PAM: variants seen among roughly 807,000 people sequenced by gnomAD.
PAM encodes the protein peptidyl-glycine alpha-amidating monooxygenase.
PAM carries 72 observed loss-of-function variants against 122.1 expected under a neutral mutation model. That is an observed-to-expected ratio of 0.59 (90% CI 0.49 to 0.72). PAM has a LOEUF of 0.72. PAM is among the 30% of genes least tolerant of loss of function. The pLI, the probability that PAM is intolerant of heterozygous loss-of-function variation, is 0.00. For synonymous variants in PAM, 389 were observed against 404.4 expected, an observed-to-expected ratio of 0.96 and a Z score of 0.46; for missense variants, 1,106 against 1,183.7, an observed-to-expected ratio of 0.93 and a Z score of 0.96.
intron 5 of PAM, among the ~76,000 whole-genome samples, chr5:102,922,875 G>A (rs1747937687): frequency 6.6e-6 from 1 of 152,144 alleles, no homozygotes; most frequent in African/African-American, 2.4e-5. Flanking sequence ...TTATAGCTGA[G>A]GCCAGGAAGG....
intron 1 of PAM, among the ~76,000 whole-genome samples, chr5:102,836,771 C>T (rs1407864841): frequency 6.6e-6 from 1 of 151,514 alleles, no homozygotes; most frequent in East Asian, 1.9e-4. Flanking sequence ...CTCTCTGCTC[C>T]CTTGAACTTG....
intron 1 of PAM, among the ~76,000 whole-genome samples, chr5:102,850,815 A>T (rs2150726703): frequency 6.6e-6 from 1 of 152,298 alleles, no homozygotes; most frequent in South Asian, 2.1e-4. Context: ...GCCCTGCAAA[A>T]AACCAGATAT....
At chr5:102,952,593 CAAGT>C (rs1163925705) in intron 12 of PAM, among the ~76,000 whole-genome samples, 9 of 151,954 alleles carry the variant, frequency 5.9e-5, no homozygotes, top group African/African-American at 9.7e-5. Flanking sequence ...GAATGACAAA[CAAGT>C]AAGACAAGTT....
In PAM at chr5:103,029,660, A is replaced by T. The variant is rs911407636; in HGVS notation, c.*595A>T. ...TATTTTTAGATGGTTACACTGTTAG[A>T]ACACTATTTTCAGAATCTGAATGTA... On this transcript the variant is annotated 3_prime_UTR_variant, in exon 26 of 26. Coordinates refer to ENST00000438793, the MANE Select transcript of PAM (RefSeq NM_001177306.2). 2 of 152,604 alleles carry T rather than the reference A, an allele frequency of 1.3e-5. No homozygotes were observed. Among genetic ancestry groups the T allele is most frequent in the Admixed American group, 6.5e-5 (1 of 15,272 alleles). 9.5% of individuals were successfully genotyped at this position (152,604 alleles called of 1,614,324 possible). A position where few individuals can be genotyped will look rare whatever the true frequency, so the allele number is the denominator to read the frequency against.
chr5:102,791,410 G>A (rs975828392), intron 1 of PAM, among the ~76,000 whole-genome samples: 2 of 151,896 alleles, frequency 1.3e-5, no homozygotes, highest in African/African-American at 4.8e-5. Flanking sequence ...TCAAGAATAC[G>A]TTATAACTTG....
intron 5 of PAM, among the ~76,000 whole-genome samples, chr5:102,922,899 T>G (rs939057633): frequency 1.3e-5 from 2 of 152,212 alleles, no homozygotes; most frequent in African/African-American, 4.8e-5. Flanking sequence ...ATTTTGCTTT[T>G]GGGCATCATC....
At chr5:102,917,722 T>C (rs1385565594) in intron 5 of PAM, among the ~76,000 whole-genome samples, 6 of 152,180 alleles carry the variant, frequency 3.9e-5, no homozygotes, top group Non-Finnish European at 8.8e-5. Context: ...ATCTTCTATC[T>C]TCAGGAAGCA....
At chr5:102,933,947 CTCCCTGTTGCTT>C (rs1335261237) in intron 7 of PAM, among the ~76,000 whole-genome samples, 1 of 152,170 alleles carries the variant, frequency 6.6e-6, no homozygotes, top group Non-Finnish European at 1.5e-5. Context: ...GATCAGATTG[CTCCCTGTTGCTT>C]TCCCTGTTGT....
At position 102,801,610 on chromosome 5, in the gene PAM, T is replaced by C. The variant is rs1580288803; in HGVS notation, c.-374+46262T>C. 2.0e-5 allele frequency among the ~76,000 whole-genome samples: 3 copies of C among 152,294 alleles called. No homozygotes were observed. The East Asian group carries it at 5.8e-4, about 29-fold the overall frequency. ...AGAAGCGTTATAACCCACATCCTGC[T>C]GTCAGATCTTGTCGGCTCTGCTGGT... On this transcript the variant is annotated intron_variant, in intron 1 of 25. Transcript: ENST00000438793.
At chr5:102,776,901 GTTTT>G (rs755496281) in intron 1 of PAM, among the ~76,000 whole-genome samples, 3 of 151,984 alleles carry the variant, frequency 2.0e-5, no homozygotes, top group Non-Finnish European at 2.9e-5. Flanking sequence ...ATTTAGTGGT[GTTTT>G]TGGGGTTTTG....
chr5:102,920,371 C>T (rs959419996), intron 5 of PAM, among the ~76,000 whole-genome samples: 2 of 152,060 alleles, frequency 1.3e-5, no homozygotes, highest in African/African-American at 4.8e-5. Context: ...AACAGACACA[C>T]ACTCTGCTTT....
intron 5 of PAM, among the ~76,000 whole-genome samples, chr5:102,918,686 A>G (rs1746335466): frequency 6.6e-6 from 1 of 152,096 alleles, no homozygotes; most frequent in African/African-American, 2.4e-5. Flanking sequence ...GAAAATCATA[A>G]TATTTTGTTT....
intron 7 of PAM, among the ~76,000 whole-genome samples, chr5:102,935,728 T>A (rs1753029234): frequency 6.6e-6 from 1 of 152,120 alleles, no homozygotes; most frequent in Non-Finnish European, 1.5e-5. Flanking sequence ...AACAGACTCC[T>A]TATAATGTTT....
intron 3 of PAM, among the ~76,000 whole-genome samples, chr5:102,901,134 T>C (rs1236982936): frequency 6.6e-6 from 1 of 151,592 alleles, no homozygotes; most frequent in African/African-American, 2.4e-5. Flanking sequence ...TGATTGGCTT[T>C]ATAAATAGGA....
intron 12 of PAM, among the ~76,000 whole-genome samples, chr5:102,953,233 C>T (rs1182539410): frequency 6.6e-6 from 1 of 152,128 alleles, no homozygotes; most frequent in Middle Eastern, 3.2e-3. Context: ...AAAGTAGAGG[C>T]TGATTTTCCC....
chr5:103,022,710 C>G (rs1205828648), intron 23 of PAM, among the ~76,000 whole-genome samples: 2 of 152,096 alleles, frequency 1.3e-5, no homozygotes, highest in Non-Finnish European at 2.9e-5. Flanking sequence ...ACCTAGTGTT[C>G]TGGCTAATCT....
chr5:102,884,944 C>G (rs1172936083), intron 3 of PAM, among the ~76,000 whole-genome samples: 3 of 151,834 alleles, frequency 2.0e-5, no homozygotes, highest in Non-Finnish European at 4.4e-5. Flanking sequence ...CTCAGCGAAT[C>G]CAGTATTAAA....
intron 1 of PAM, among the ~76,000 whole-genome samples, chr5:102,847,934 T>C (rs1780354430): frequency 6.6e-6 from 1 of 152,154 alleles, no homozygotes; most frequent in Admixed American, 6.5e-5. Flanking sequence ...ATGGTGAAAA[T>C]ATTATTGATT....
intron 7 of PAM, among the ~76,000 whole-genome samples, chr5:102,927,850 T>C (rs1581788650): frequency 6.6e-6 from 1 of 151,678 alleles, no homozygotes; most frequent in African/African-American, 2.4e-5. Context: ...ATTAAAAATA[T>C]GCTTTGAGTT....
Sources: allele counts gnomAD v4.1 joint callset (sites outside exome capture counted in the v4.1 genomes callset), GRCh38; gene constraint gnomAD v4.1.1; transcripts MANE v1.5; gene names NCBI Gene and HGNC (gene_info 2026-07-23, HGNC 2026-07-21).